Variants in MANEA observed in about 807,000 individuals in gnomAD.
The protein encoded by MANEA is glycoprotein endo-alpha-1,2-mannosidase.
A neutral mutation model predicts 36.8 loss-of-function variants in MANEA; 25 were observed. The observed-to-expected ratio is 0.68, with a 90% CI of 0.50 to 0.95. The LOEUF (loss-of-function observed/expected upper bound fraction) is 0.95. Ranked by LOEUF, MANEA falls within the 40% of genes least tolerant of loss-of-function variation. The pLI, the probability that MANEA is intolerant of heterozygous loss-of-function variation, is 0.00. For missense variants in MANEA, 565 were observed against 558.8 expected (o/e 1.01, Z -0.11); for synonymous variants, 198 against 188.5 (o/e 1.05, Z -0.41).
In MANEA at chr6:95,608,440, C is replaced by T. The variant is rs534179074; in HGVS notation, c.*2035C>T. The stretch of plus-strand genomic sequence containing the variant: ...TTCTCAACACAGATACCACCACTTT[C>T]TTTTTCCCATTATAGACATGGTGAA... On this transcript the variant is annotated 3_prime_UTR_variant, in exon 5 of 5. Transcript: ENST00000358812. The T allele has an allele frequency of 4.0e-5, 6 of 151,888 alleles. No homozygotes were observed. In the East Asian group the frequency reaches 1.2e-3, roughly 29 times the overall value. The allele number at this position is 151,888 out of a possible 1,614,324, so 9.4% of individuals were successfully genotyped here.
At chr6:95,589,931 T>C (rs549182104) in intron 2 of MANEA, 1 of 152,196 alleles carries the variant, frequency 6.6e-6, no homozygotes, top group East Asian at 1.9e-4. Context: ...TCCTTATAAA[T>C]AGAAGAAGAG....
In MANEA at chr6:95,596,738, T is replaced by C. The variant is rs1384098735; in HGVS notation, c.546T>C (p.Gly182=). 1.3e-6 allele frequency: 2 copies of C among 1,546,346 alleles called. No individual in the cohort carries two copies. The highest frequency in any genetic ancestry group is 1.8e-6 in the Non-Finnish European group (2 of 1,119,366). ...TTTCTTTTTGGTCTTTTCTATTAGG[T>C]GTACTAGCCCTCTCTTGGTACCCAC... ...HMRQMRSASI[G]VLALSWYPPD... The change falls in exon 3 of 5, where the codon GGT becomes GGC. Residue 182 remains glycine, a splice_region_variant and synonymous_variant. Coordinates refer to ENST00000358812, the MANE Select transcript of MANEA (RefSeq NM_024641.4).
chr6:95,581,198 C>T (rs1233684148), intron 1 of MANEA, among the ~76,000 whole-genome samples: 1 of 152,168 alleles, frequency 6.6e-6, no homozygotes, highest in Non-Finnish European at 1.5e-5. Context: ...TTTTAAATCT[C>T]AATGCCCATC....
At chr6:95,605,690 G>C (rs759539692) in intron 4 of MANEA, 58 bp from the exon 5 acceptor site, 677 of 1,337,886 alleles carry the variant, frequency 5.1e-4, no homozygotes, top group Middle Eastern at 2.4e-3. Context: ...AACAGTTTTT[G>C]TCTGTGGCAA....
At chr6:95,595,398 T>C (rs555257809) in intron 2 of MANEA, among the ~76,000 whole-genome samples, 1 of 152,268 alleles carries the variant, frequency 6.6e-6, no homozygotes, top group Admixed American at 6.5e-5. Context: ...TCATATGTTA[T>C]AGGTTATTTT....
chr6:95,583,772 G>A (rs1769228491), intron 1 of MANEA, among the ~76,000 whole-genome samples: 1 of 151,900 alleles, frequency 6.6e-6, no homozygotes, highest in Non-Finnish European at 1.5e-5. Context: ...TACTTTATAT[G>A]TTTTAAACTA....
rs371092630 is a variant in MANEA at position 95,606,334 on chromosome 6, C to T, written c.1318C>T (p.Arg440Cys). Reference sequence around the variant, plus strand: ...ACCAGGTCTTTACCTAGAACTGACTCGCAAGTGGTCTGAAAAATACAGTAA... The same window carrying T: ...ACCAGGTCTTTACCTAGAACTGACTTGCAAGTGGTCTGAAAAATACAGTAA... ...HKPGLYLELT[R>C]KWSEKYSKER... The change falls in exon 5 of 5, where the codon CGC becomes TGC. Residue 440 changes from arginine to cysteine, a missense_variant. Arg to Cys is a radical substitution (Grantham distance 180). Transcript: ENST00000358812. 21 of 1,609,094 alleles carry T rather than the reference C, an allele frequency of 1.3e-5. No individual in the cohort carries two copies. The highest frequency in any genetic ancestry group is 1.6e-4 in the Middle Eastern group (1 of 6,084).
At chr6:95,590,797 G>A (rs1769374069) in intron 2 of MANEA, among the ~76,000 whole-genome samples, 1 of 152,110 alleles carries the variant, frequency 6.6e-6, no homozygotes. Context: ...TGTAATGTAA[G>A]GTCTTCACCA....
rs753882528 is a variant in MANEA at position 95,606,075 on chromosome 6, C to T, written c.1059C>T (p.Ile353=). Residue 353 remains isoleucine (I), a synonymous_variant, in exon 5 of 5, where the codon ATC becomes ATT. Transcript: ENST00000358812. ...LFCDKYNLIF[I]PSVGPGYIDT... ...GTGATAAATACAACTTAATATTTAT[C>T]CCAAGTGTGGGCCCAGGATACATAG... 1.2e-6 allele frequency: 2 copies of T among 1,613,898 alleles called. No individual in the cohort carries two copies. The highest frequency in any genetic ancestry group is 1.1e-5 in the South Asian group (1 of 91,078).
At chr6:95,590,738 G>C (rs1389773815) in intron 2 of MANEA, among the ~76,000 whole-genome samples, 1 of 152,122 alleles carries the variant, frequency 6.6e-6, no homozygotes, top group African/African-American at 2.4e-5. Context: ...AAATTTGAAA[G>C]TATTCATTGC....
intron 3 of MANEA, among the ~76,000 whole-genome samples, chr6:95,601,716 ATTTTTTTTTTTTTT>A (rs67335804): frequency 1.8e-4 from 12 of 64,968 alleles, no homozygotes; most frequent in Non-Finnish European, 3.2e-4. Context: ...AGATTCAGTG[ATTTTTTTTTTTTTT>A]TTTTTTTTTT....
chr6:95,601,928 C>A (rs1769601782), intron 3 of MANEA, among the ~76,000 whole-genome samples: 2 of 151,942 alleles, frequency 1.3e-5, no homozygotes, highest in African/African-American at 4.8e-5. Flanking sequence ...ATTTTATCTG[C>A]TTTTCAGGCT....
At chr6:95,587,300 A>G in intron 2 of MANEA, 1 of 296,042 alleles carries the variant, frequency 3.4e-6, no homozygotes, top group South Asian at 7.4e-5. Flanking sequence ...TTAAGTTTAT[A>G]GCTCATTGAT....
At chr6:95,602,224 G>T (rs373972299) in intron 3 of MANEA, among the ~76,000 whole-genome samples, 3 of 152,188 alleles carry the variant, frequency 2.0e-5, no homozygotes, top group African/African-American at 7.2e-5. Context: ...CTACGTGTCA[G>T]ATACAGTCCC....
chr6:95,602,749 G>C (rs577051783), intron 3 of MANEA, among the ~76,000 whole-genome samples: 2 of 151,896 alleles, frequency 1.3e-5, no homozygotes, highest in Admixed American at 6.6e-5. Flanking sequence ...GGCCGGGCGC[G>C]GTGGCTCACG....
chr6:95,580,096 T>A (rs1008527932), intron 1 of MANEA, among the ~76,000 whole-genome samples: 2 of 152,200 alleles, frequency 1.3e-5, no homozygotes, highest in Non-Finnish European at 2.9e-5. Flanking sequence ...ATTTTTTTTA[T>A]TAAATTGGAT....
intron 2 of MANEA, 25 bp downstream of exon 2, chr6:95,587,008 T>A (rs1012396131): frequency 3.7e-6 from 5 of 1,369,250 alleles, no homozygotes; most frequent in Non-Finnish European, 5.2e-6. Flanking sequence ...TATATATATG[T>A]GTGTTTGTGT....
At chr6:95,602,355 T>TA (rs1769609377) in intron 3 of MANEA, among the ~76,000 whole-genome samples, 1 of 152,106 alleles carries the variant, frequency 6.6e-6, no homozygotes, top group African/African-American at 2.4e-5. Context: ...GTATGAGGTA[T>TA]TATGGCACCA....
intron 1 of MANEA, among the ~76,000 whole-genome samples, chr6:95,579,039 C>G (rs1376003299): frequency 6.6e-6 from 1 of 152,078 alleles, no homozygotes; most frequent in African/African-American, 2.4e-5. Flanking sequence ...GAAAAAGTTA[C>G]CAACTGCTCA....
Sources: gnomAD v4.1 joint callset for allele counts (sites outside exome capture counted in the v4.1 genomes callset) on GRCh38, gnomAD v4.1.1 for gene constraint, MANE v1.5 for transcripts, NCBI Gene and HGNC (gene_info 2026-07-23, HGNC 2026-07-21) for gene names.